Variants in DIP2B observed in about 807,000 individuals in gnomAD.
The protein encoded by DIP2B is disco-interacting protein 2 homolog B.
A neutral mutation model predicts 198.0 loss-of-function variants in DIP2B; 76 were observed. The ratio of observed to expected loss-of-function variants is 0.38; its 90% CI spans 0.32 to 0.46. The LOEUF (loss-of-function observed/expected upper bound fraction) is 0.46, where lower values mean the gene tolerates loss of function less well. DIP2B is among the 20% of genes least tolerant of loss of function. The pLI is 0.99. For missense variants in DIP2B, 1,559 were observed against 1,978.4 expected (o/e 0.79, Z 4.02); for synonymous variants, 701 against 739.1 (o/e 0.95, Z 0.84).
chr12:50,541,501 A>T (rs1431882299), intron 1 of DIP2B, among the ~76,000 whole-genome samples: 1 of 151,846 alleles, frequency 6.6e-6, no homozygotes, highest in Non-Finnish European at 1.5e-5. Flanking sequence ...AAAATGTTTA[A>T]TCCTGTATTG....
At chr12:50,542,277 A>G (rs554663548) in intron 1 of DIP2B, among the ~76,000 whole-genome samples, 3 of 152,064 alleles carry the variant, frequency 2.0e-5, no homozygotes, top group East Asian at 1.9e-4. Context: ...AAAAAAAAGA[A>G]AAAAGAAAAT....
In DIP2B at chr12:50,705,806, C is replaced by T. The variant is rs374777573; in HGVS notation, c.2407-732C>T. 8.5e-5 allele frequency among the ~76,000 whole-genome samples: 13 copies of T among 152,294 alleles called. No individual in the cohort carries two copies. In the South Asian group the frequency reaches 2.1e-3, roughly 24 times the overall value. The stretch of plus-strand genomic sequence containing the variant: ...CATGGCCCAGTCACTGTGTAGGGCA[C>T]TACATTGTGCTTAGTAAATCAGTGA... On this transcript the variant is annotated intron_variant, in intron 20 of 37. Transcript: ENST00000301180.
chr12:50,665,353 C>T (rs1459722588), intron 4 of DIP2B, among the ~76,000 whole-genome samples: 1 of 152,126 alleles, frequency 6.6e-6, no homozygotes, highest in Non-Finnish European at 1.5e-5. Context: ...AGTTCATAGT[C>T]GCTAAGTAAT....
chr12:50,526,604 A>G (rs1283648479), intron 1 of DIP2B, among the ~76,000 whole-genome samples: 2 of 99,104 alleles, frequency 2.0e-5, no homozygotes, highest in Admixed American at 1.0e-4. Flanking sequence ...TTGCACATGC[A>G]TTGATTCTCT....
chr12:50,606,459 ATACC>A (rs1417211874), intron 1 of DIP2B, among the ~76,000 whole-genome samples: 1 of 152,210 alleles, frequency 6.6e-6, no homozygotes, highest in African/African-American at 2.4e-5. Flanking sequence ...TTGCGAGGAT[ATACC>A]ATGTTTTATT....
chr12:50,507,383 G>C (rs1398457614), intron 1 of DIP2B, among the ~76,000 whole-genome samples: 31 of 152,172 alleles, frequency 2.0e-4, no homozygotes, highest in Non-Finnish European at 8.8e-5. Flanking sequence ...TAGACATTAG[G>C]AATTCAAGTG....
intron 22 of DIP2B, among the ~76,000 whole-genome samples, chr12:50,713,504 T>C (rs1038876942): frequency 6.6e-6 from 1 of 152,232 alleles, no homozygotes; most frequent in Non-Finnish European, 1.5e-5. Context: ...CAGCTGACTT[T>C]AAGCAAACAT....
At position 50,746,870 on chromosome 12, in the gene DIP2B, A is replaced by C. The variant is rs914557566; in HGVS notation, c.*2031A>C. The C allele has an allele frequency of 2.5e-4, 38 of 152,354 alleles. No homozygotes were observed. The highest frequency in any genetic ancestry group is 8.7e-4 in the African/African-American group (36 of 41,584). 9.4% of individuals were successfully genotyped at this position (152,354 alleles called of 1,614,324 possible). A position where few individuals can be genotyped will look rare whatever the true frequency, so the allele number is the denominator to read the frequency against. Reference sequence around the variant, plus strand: ...GTTCTAAAAGTTATGGTTAGATGCTATTCTGTGGGTTGCTTTGATAATTCT... The same window carrying C: ...GTTCTAAAAGTTATGGTTAGATGCTCTTCTGTGGGTTGCTTTGATAATTCT... On this transcript the variant is annotated 3_prime_UTR_variant, in exon 38 of 38. Transcript: ENST00000301180.
chr12:50,539,728 C>T (rs1170925270), intron 1 of DIP2B, among the ~76,000 whole-genome samples: 3 of 152,056 alleles, frequency 2.0e-5, no homozygotes, highest in Admixed American at 6.6e-5. Flanking sequence ...CTGAAGGCCC[C>T]GTGGGCCTCT....
intron 1 of DIP2B, among the ~76,000 whole-genome samples, chr12:50,572,754 G>T (rs761679791): frequency 2.0e-5 from 3 of 152,132 alleles, no homozygotes; most frequent in Non-Finnish European, 4.4e-5. Context: ...GTTCTCCTTT[G>T]TGCTGACAGA....
intron 1 of DIP2B, among the ~76,000 whole-genome samples, chr12:50,593,011 C>G (rs934558704): frequency 1.3e-5 from 2 of 151,360 alleles, no homozygotes; most frequent in African/African-American, 4.9e-5. Flanking sequence ...GCCATTAGAC[C>G]TATTCTCCGT....
intron 2 of DIP2B, among the ~76,000 whole-genome samples, chr12:50,640,392 G>T (rs538108871): frequency 2.0e-5 from 3 of 152,026 alleles, no homozygotes; most frequent in Non-Finnish European, 4.4e-5. Context: ...CAAGCTATTC[G>T]TTGTCTCACT....
At chr12:50,559,974 C>T (rs929785345) in intron 1 of DIP2B, among the ~76,000 whole-genome samples, 1 of 152,132 alleles carries the variant, frequency 6.6e-6, no homozygotes, top group South Asian at 2.1e-4. Context: ...ATAGGGTTTA[C>T]AATCGAGAAT....
intron 3 of DIP2B, among the ~76,000 whole-genome samples, chr12:50,653,826 G>A (rs1057406307): frequency 2.6e-5 from 4 of 151,360 alleles, no homozygotes; most frequent in African/African-American, 9.7e-5. Context: ...TCTGTTCTCT[G>A]TTTCATTTAA....
intron 28 of DIP2B, among the ~76,000 whole-genome samples, chr12:50,727,452 G>C (rs938272587): frequency 6.6e-6 from 1 of 152,200 alleles, no homozygotes. Flanking sequence ...ACTGTGTTCT[G>C]TTTCCCCTTA....
chr12:50,655,359 A>G (rs1475200074), intron 3 of DIP2B, among the ~76,000 whole-genome samples: 2 of 152,232 alleles, frequency 1.3e-5, no homozygotes, highest in Non-Finnish European at 2.9e-5. Flanking sequence ...TGTATCTACT[A>G]CCTATAGCAA....
chr12:50,583,292 C>T (rs557085564), intron 1 of DIP2B, among the ~76,000 whole-genome samples: 25 of 147,180 alleles, frequency 1.7e-4, no homozygotes, highest in African/African-American at 5.8e-4. Flanking sequence ...CCCTCCACCA[C>T]ATCTACACGT....
intron 3 of DIP2B, among the ~76,000 whole-genome samples, chr12:50,643,218 C>T (rs1938290183): frequency 6.6e-6 from 1 of 152,132 alleles, no homozygotes; most frequent in Non-Finnish European, 1.5e-5. Context: ...TTGAGCTTCA[C>T]CTGTTAAAAC....
At chr12:50,733,340 A>G (rs1565885795) in intron 32 of DIP2B, among the ~76,000 whole-genome samples, 1 of 151,454 alleles carries the variant, frequency 6.6e-6, no homozygotes, top group Non-Finnish European at 1.5e-5. Flanking sequence ...TTGATGGGTA[A>G]ATAACAGAAA....
Sources: gnomAD v4.1 joint callset for allele counts (sites outside exome capture counted in the v4.1 genomes callset) on GRCh38, gnomAD v4.1.1 for gene constraint, MANE v1.5 for transcripts, NCBI Gene and HGNC (gene_info 2026-07-23, HGNC 2026-07-21) for gene names.